TMEM33: variants seen among roughly 807,000 people sequenced by gnomAD.
TMEM33 encodes the protein transmembrane protein 33.
A neutral mutation model predicts 29.7 loss-of-function variants in TMEM33; 16 were observed. That is an observed-to-expected ratio of 0.54 (90% CI 0.36 to 0.82). The LOEUF (loss-of-function observed/expected upper bound fraction) is 0.82. TMEM33 is among the 40% of genes least tolerant of loss of function. The pLI is 0.00. For synonymous variants in TMEM33, 112 were observed against 109.4 expected, an observed-to-expected ratio of 1.02 and a Z score of -0.15; for missense variants, 252 against 295.3, an observed-to-expected ratio of 0.85 and a Z score of 1.08.
chr4:41,954,126 G>C lies in TMEM33; in HGVS notation c.671G>C (p.Cys224Ser). The change falls in exon 7 of 7, where the codon TGC becomes TCC. Residue 224 changes from cysteine (C) to serine (S), a missense_variant. By Grantham distance (112) the Cys-to-Ser change is moderately radical. Transcript: ENST00000504986. ...VVEHIIMKPA[C>S]PLFVRRLCLQ... is the part of the protein sequence containing the mutation. ...GAACACATAATAATGAAACCTGCTT[G>C]CCCACTGTTTGTGAGAAGACTTTGT... The C allele has an allele frequency of 6.2e-7, 1 of 1,613,920 alleles. No individual in the cohort carries two copies. Among genetic ancestry groups the C allele is most frequent in the Non-Finnish European group, 8.5e-7 (1 of 1,179,862 alleles).
intron 6 of TMEM33, 53 bp from the exon 7 acceptor site, chr4:41,954,017 C>T: frequency 6.2e-7 from 1 of 1,600,614 alleles, no homozygotes; most frequent in South Asian, 1.1e-5. Flanking sequence ...TGAGGTAAGC[C>T]TGTGTATTGC....
upstream of TMEM33, chr4:41,935,226 C>T (rs1005313575): frequency 4.0e-5 from 23 of 579,174 alleles, no homozygotes; most frequent in Middle Eastern, 9.1e-4. Flanking sequence ...TCCCGTCTTT[C>T]TGGAAACACC....
intron 6 of TMEM33, among the ~76,000 whole-genome samples, chr4:41,951,253 C>T (rs1205909246): frequency 6.6e-6 from 1 of 152,102 alleles, no homozygotes; most frequent in African/African-American, 2.4e-5. Flanking sequence ...AAACTTAGAA[C>T]TTGGTTCCTT....
At chr4:41,953,354 T>C (rs1434472120) in intron 6 of TMEM33, among the ~76,000 whole-genome samples, 1 of 152,232 alleles carries the variant, frequency 6.6e-6, no homozygotes, top group African/African-American at 2.4e-5. Context: ...ATACAGAAGT[T>C]ATGTTTACAC....
At position 41,957,594 on chromosome 4, in the gene TMEM33, T is replaced by A. The variant is rs1311405151; in HGVS notation, c.*3395T>A. 6.6e-6 allele frequency: 1 copy of A among 151,866 alleles called. No individual in the cohort carries two copies. Among genetic ancestry groups the A allele is most frequent in the African/African-American group, 2.4e-5 (1 of 41,356 alleles). 9.4% of individuals were successfully genotyped at this position (151,866 alleles called of 1,614,324 possible). ...AATAAGACAAGTAGAACTGAGAGAT[T>A]TAGTTTTTTTTTTTTTTAAGTTTTA... On this transcript the variant is annotated 3_prime_UTR_variant, in exon 7 of 7. Coordinates refer to ENST00000504986, the MANE Select transcript of TMEM33 (RefSeq NM_018126.3).
chr4:41,944,889 A>G lies in TMEM33; in HGVS notation c.493A>G (p.Ile165Val). The G allele has an allele frequency of 6.2e-7, 1 of 1,613,426 alleles. No individual in the cohort carries two copies. The highest frequency in any genetic ancestry group is 1.3e-5 in the African/African-American group (1 of 75,042). The change falls in exon 5 of 7, where the codon ATA becomes GTA. Residue 165 changes from isoleucine (I) to valine (V), a missense_variant. By Grantham distance (29) the Ile-to-Val change is conservative. Coordinates refer to ENST00000504986, the MANE Select transcript of TMEM33 (RefSeq NM_018126.3). ...TCTGAAATTCATTGCTTGCAATGAAATATTCCTGATGCCTGCGACAGTTTT... is the reference window on the plus strand; with the variant it reads ...TCTGAAATTCATTGCTTGCAATGAAGTATTCCTGATGCCTGCGACAGTTTT... ...NILKFIACNE[I>V]FLMPATVFML...
At position 41,957,430 on chromosome 4, in the gene TMEM33, G is replaced by A. The variant is rs1282901954; in HGVS notation, c.*3231G>A. 6.6e-6 allele frequency: 1 copy of A among 151,808 alleles called. No individual in the cohort carries two copies. The highest frequency in any genetic ancestry group is 1.5e-5 in the Non-Finnish European group (1 of 67,934). The allele number at this position is 151,808 out of a possible 1,614,324, so 9.4% of individuals were successfully genotyped here. A position where few individuals can be genotyped will look rare whatever the true frequency, so the allele number is the denominator to read the frequency against. On this transcript the variant is annotated 3_prime_UTR_variant, in exon 7 of 7. Coordinates refer to ENST00000504986, the MANE Select transcript of TMEM33 (RefSeq NM_018126.3). ...GCTAAAAGTTATGAAAAATTAATAG[G>A]TTCTTTTATAGAGCTAAGAATGATG...
At position 41,950,857 on chromosome 4, in the gene TMEM33, A is replaced by T. The variant is rs186144078; in HGVS notation, c.614+1472A>T. ...CATTTTCTTCACATACCCTTAAATC[A>T]TATTAGTACATCTAGAATTCAGTTT... On this transcript the variant is annotated intron_variant, in intron 6 of 6. Transcript: ENST00000504986. 2.8e-4 allele frequency among the ~76,000 whole-genome samples: 42 copies of T among 152,208 alleles called. 1 individual carries two copies. In the East Asian group the frequency reaches 8.1e-3, roughly 29 times the overall value.
intron 3 of TMEM33, among the ~76,000 whole-genome samples, chr4:41,941,542 C>T (rs568011149): frequency 6.6e-6 from 1 of 152,312 alleles, no homozygotes. Flanking sequence ...ATCCTGAGGT[C>T]TTGCCAAATG....
intron 4 of TMEM33, 44 bp downstream of exon 4, chr4:41,943,858 T>A: frequency 6.4e-7 from 1 of 1,566,922 alleles, no homozygotes; most frequent in South Asian, 1.1e-5. Flanking sequence ...TTACAGATCA[T>A]TGACATGAAT....
In TMEM33 at chr4:41,956,394, C is replaced by T. The variant is rs1239458801; in HGVS notation, c.*2195C>T. The T allele has an allele frequency of 1.3e-5, 2 of 152,064 alleles. No homozygotes were observed. The highest frequency in any genetic ancestry group is 1.3e-4 in the Admixed American group (2 of 15,278). The allele number at this position is 152,064 out of a possible 1,614,324, so 9.4% of individuals were successfully genotyped here. A position where few individuals can be genotyped will look rare whatever the true frequency, so the allele number is the denominator to read the frequency against. On this transcript the variant is annotated 3_prime_UTR_variant, in exon 7 of 7. Transcript: ENST00000504986. ...ATTTATCTAAAGTAAGATATTAGCC[C>T]AGAACAATACTACTAACTGAAGTAT...
chr4:41,940,046 C>CCTTTTTTTTTTTTTTTT (rs1553910603), intron 3 of TMEM33, among the ~76,000 whole-genome samples: 5 of 81,368 alleles, frequency 6.1e-5, no homozygotes, highest in African/African-American at 1.7e-4. Flanking sequence ...GTTAAACTTT[C>CCTTTTTTTTTTTTTTTT]TTTTTTTTTT....
Position 41,959,770 on chromosome 4 carries a change from A to G in TMEM33, c.*5571A>G, listed in dbSNP as rs969593269. On this transcript the variant is annotated 3_prime_UTR_variant, in exon 7 of 7. Transcript: ENST00000504986. The stretch of plus-strand genomic sequence containing the variant: ...AGCAAGTAACATTTATGATGTGTGT[A>G]TATTGGAACAAATGTAAAAGGGTTA... 3.3e-5 allele frequency: 5 copies of G among 152,198 alleles called. No individual in the cohort carries two copies. Among genetic ancestry groups the G allele is most frequent in the South Asian group, 2.1e-4 (1 of 4,834 alleles). 9.4% of individuals were successfully genotyped at this position (152,198 alleles called of 1,614,324 possible).
chr4:41,939,187 A>G lies in TMEM33; in HGVS notation c.141-9A>G. On this transcript the variant is annotated splice_polypyrimidine_tract_variant and intron_variant, in intron 2 of 6. Coordinates refer to ENST00000504986, the MANE Select transcript of TMEM33 (RefSeq NM_018126.3). ...GTCTCATGATAACCTCTCCTCTGGTAATTTGCAGGTTGCATGAAGCAGCAA... is the reference window on the plus strand; with the variant it reads ...GTCTCATGATAACCTCTCCTCTGGTGATTTGCAGGTTGCATGAAGCAGCAA... The G allele has an allele frequency of 2.5e-6, 4 of 1,588,878 alleles. No homozygotes were observed. In the South Asian group the frequency reaches 4.6e-5, roughly 18 times the overall value.
rs1713267172 is a variant in TMEM33 at position 41,956,359 on chromosome 4, A to G, written c.*2160A>G. On this transcript the variant is annotated 3_prime_UTR_variant, in exon 7 of 7. Coordinates refer to ENST00000504986, the MANE Select transcript of TMEM33 (RefSeq NM_018126.3). ...TCCTCTCATGTTAACGTTTTACATA[A>G]CTGTAGAACATTTATCTAAAGTAAG... 6.6e-6 allele frequency: 1 copy of G among 152,192 alleles called. No individual in the cohort carries two copies. The highest frequency in any genetic ancestry group is 2.4e-5 in the African/African-American group (1 of 41,442). 9.4% of individuals were successfully genotyped at this position (152,192 alleles called of 1,614,324 possible). A position where few individuals can be genotyped will look rare whatever the true frequency, so the allele number is the denominator to read the frequency against.
upstream of TMEM33, chr4:41,935,248 G>C: frequency 1.7e-6 from 1 of 597,094 alleles, no homozygotes; most frequent in Non-Finnish European, 3.0e-6. Context: ...CTTTGATCTC[G>C]GCGGTGCGGG....
At chr4:41,944,994 T>G in intron 5 of TMEM33, 68 bp downstream of exon 5, 1 of 1,570,730 alleles carries the variant, frequency 6.4e-7, no homozygotes, top group African/African-American at 1.4e-5. Flanking sequence ...AACTCAAGTT[T>G]TATTCTGTTT....
intron 5 of TMEM33, among the ~76,000 whole-genome samples, chr4:41,946,758 C>T (rs1348028729): frequency 6.6e-6 from 1 of 151,712 alleles, no homozygotes; most frequent in Non-Finnish European, 1.5e-5. Flanking sequence ...ATAGGTTTTT[C>T]TTTCCACCTC....
At chr4:41,940,932 A>G (rs1712514639) in intron 3 of TMEM33, among the ~76,000 whole-genome samples, 1 of 152,144 alleles carries the variant, frequency 6.6e-6, no homozygotes, top group East Asian at 1.9e-4. Flanking sequence ...CTTCCCACAC[A>G]TTGGCTAGTA....
Sources: allele counts gnomAD v4.1 joint callset (sites outside exome capture counted in the v4.1 genomes callset), GRCh38; gene constraint gnomAD v4.1.1; transcripts MANE v1.5; gene names NCBI Gene and HGNC (gene_info 2026-07-23, HGNC 2026-07-21).